The following LHFPL3 variants were observed in gnomAD, a reference collection of about 807,000 sequenced individuals.
LHFPL3 encodes the protein LHFPL tetraspan subfamily member 3.
A neutral mutation model predicts 19.3 loss-of-function variants in LHFPL3; 5 were observed. That is an observed-to-expected ratio of 0.26 (90% CI 0.14 to 0.54). LHFPL3 has a LOEUF of 0.54. Ranked by LOEUF, LHFPL3 falls within the 20% of genes least tolerant of loss-of-function variation. LHFPL3 has a pLI of 0.94. For missense variants in LHFPL3, 249 were observed against 307.4 expected (o/e 0.81, Z 1.42); for synonymous variants, 133 against 126.2 (o/e 1.05, Z -0.36).
chr7:104,829,765 A>G (rs1584560973), intron 2 of LHFPL3, among the ~76,000 whole-genome samples: 1 of 152,046 alleles, frequency 6.6e-6, no homozygotes, highest in East Asian at 1.9e-4. Flanking sequence ...AGTCTTTGCT[A>G]TTGTGAATAG....
chr7:104,389,453 A>G lies in LHFPL3; in HGVS notation c.445+60229A>G, dbSNP rs1791017124. ...ATGGCAATGCTTCCTTAAATAACCT[A>G]CAGACTCAATGCAACCCCTATCCAA... On this transcript the variant is annotated intron_variant, in intron 1 of 2. Coordinates refer to ENST00000424859, the MANE Select transcript of LHFPL3 (RefSeq NM_199000.3). 5.3e-5 allele frequency among the ~76,000 whole-genome samples: 8 copies of G among 152,298 alleles called. No homozygotes were observed. The South Asian group carries it at 1.5e-3, about 28-fold the overall frequency.
intron 1 of LHFPL3, among the ~76,000 whole-genome samples, chr7:104,680,501 G>A (rs534885309): frequency 9.7e-4 from 147 of 152,042 alleles, no homozygotes; most frequent in Admixed American, 1.5e-3. Flanking sequence ...AACTTTTACC[G>A]CCCAAAATAT....
intron 1 of LHFPL3, among the ~76,000 whole-genome samples, chr7:104,562,209 C>T (rs888409985): frequency 7.4e-4 from 112 of 151,838 alleles, no homozygotes; most frequent in Admixed American, 7.3e-3. Flanking sequence ...CTCTGTATTT[C>T]CTGAATCTGA....
At chr7:104,421,540 G>A (rs1486958685) in intron 1 of LHFPL3, among the ~76,000 whole-genome samples, 2 of 152,168 alleles carry the variant, frequency 1.3e-5, no homozygotes, top group Non-Finnish European at 2.9e-5. Context: ...TTTTCCTGCA[G>A]CATCTTGAAC....
chr7:104,656,146 A>ACATTC (rs138154734), intron 1 of LHFPL3, among the ~76,000 whole-genome samples: 6,654 of 152,258 alleles, frequency 0.044, 189 homozygotes, highest in East Asian at 0.12. Context: ...ATTCACTCCA[A>ACATTC]CATTCCTGAA....
rs147694676 is a variant in LHFPL3 at position 104,361,925 on chromosome 7, G to T, written c.445+32701G>T. On this transcript the variant is annotated intron_variant, in intron 1 of 2. Coordinates refer to ENST00000424859, the MANE Select transcript of LHFPL3 (RefSeq NM_199000.3). Reference sequence around the variant, plus strand: ...GCTGCAAGAATAACTGTGATTATTGGTCAGAAATCACTTTGGGATCCACCT... The same window carrying T: ...GCTGCAAGAATAACTGTGATTATTGTTCAGAAATCACTTTGGGATCCACCT... 4.5e-4 allele frequency among the ~76,000 whole-genome samples: 69 copies of T among 152,292 alleles called. 2 individuals carry two copies. The East Asian group carries it at 0.013, about 29-fold the overall frequency.
intron 1 of LHFPL3, among the ~76,000 whole-genome samples, chr7:104,451,310 G>A (rs551573775): frequency 1.3e-5 from 2 of 152,258 alleles, no homozygotes; most frequent in East Asian, 1.9e-4. Context: ...AGTAAGCTTG[G>A]CTGCCATGTT....
chr7:104,678,401 A>T (rs1333067363), intron 1 of LHFPL3, among the ~76,000 whole-genome samples: 1 of 152,194 alleles, frequency 6.6e-6, no homozygotes, highest in Non-Finnish European at 1.5e-5. Context: ...CATTAGCATT[A>T]CATATTTCAA....
chr7:104,878,898 TAG>T (rs1348085549), intron 2 of LHFPL3, among the ~76,000 whole-genome samples: 3 of 152,330 alleles, frequency 2.0e-5, no homozygotes, highest in African/African-American at 7.2e-5. Flanking sequence ...TTGATCTATC[TAG>T]ACAACTAAAA....
At chr7:104,610,969 G>A (rs13438589) in intron 1 of LHFPL3, among the ~76,000 whole-genome samples, 6,701 of 151,988 alleles carry the variant, frequency 0.044, 170 homozygotes, top group African/African-American at 0.063. Flanking sequence ...TTTTTCATTT[G>A]CACAGTAGCA....
chr7:104,470,624 A>T (rs929289897), intron 1 of LHFPL3, among the ~76,000 whole-genome samples: 3 of 152,158 alleles, frequency 2.0e-5, no homozygotes, highest in African/African-American at 7.2e-5. Context: ...ATCATTCCCT[A>T]TTGTACAGAT....
chr7:104,401,907 G>T (rs73403862), intron 1 of LHFPL3, among the ~76,000 whole-genome samples: 1 of 152,006 alleles, frequency 6.6e-6, no homozygotes, highest in South Asian at 2.1e-4. Context: ...ATTATTAATG[G>T]AACAATGGAA....
At chr7:104,397,051 G>C (rs1791205124) in intron 1 of LHFPL3, among the ~76,000 whole-genome samples, 1 of 152,196 alleles carries the variant, frequency 6.6e-6, no homozygotes, top group Non-Finnish European at 1.5e-5. Flanking sequence ...AACATCAAAT[G>C]AATATACCTG....
intron 1 of LHFPL3, among the ~76,000 whole-genome samples, chr7:104,385,667 T>TATTTATTCATTCATTC (rs5886309): frequency 1.3e-4 from 20 of 151,644 alleles, no homozygotes; most frequent in African/African-American, 2.9e-4. Flanking sequence ...CATGGCAATT[T>TATTTATTCATTCATTC]ATTCATTCAT....
At chr7:104,468,987 T>C (rs1792851240) in intron 1 of LHFPL3, among the ~76,000 whole-genome samples, 1 of 152,122 alleles carries the variant, frequency 6.6e-6, no homozygotes, top group South Asian at 2.1e-4. Context: ...CCTTTAACCA[T>C]TGAGGTGCTT....
intron 1 of LHFPL3, among the ~76,000 whole-genome samples, chr7:104,392,161 A>G (rs1791085804): frequency 6.6e-6 from 1 of 151,830 alleles, no homozygotes; most frequent in Non-Finnish European, 1.5e-5. Flanking sequence ...TCTTTTCCTG[A>G]TTGAATACCC....
intron 1 of LHFPL3, among the ~76,000 whole-genome samples, chr7:104,419,674 G>T (rs1193101664): frequency 2.0e-5 from 3 of 152,212 alleles, no homozygotes; most frequent in African/African-American, 7.2e-5. Context: ...TAGAACTTGA[G>T]AGAAGGATGA....
At chr7:104,808,073 G>A (rs1053948552) in intron 2 of LHFPL3, among the ~76,000 whole-genome samples, 9 of 152,146 alleles carry the variant, frequency 5.9e-5, no homozygotes, top group African/African-American at 2.2e-4. Context: ...CCGTGCCTGG[G>A]ATTTAAGTAA....
At position 104,774,238 on chromosome 7, in the gene LHFPL3, G is replaced by T. The variant is rs368235169; in HGVS notation, c.682+37327G>T. 3.3e-5 allele frequency among the ~76,000 whole-genome samples: 5 copies of T among 152,174 alleles called. No individual in the cohort carries two copies. In the East Asian group the frequency reaches 5.8e-4, roughly 18 times the overall value. ...TCTTTTCTCTTCCTTCTCTTACAGA[G>T]CCCTCATTAATGAAATTAAAATGAT... On this transcript the variant is annotated intron_variant, in intron 2 of 2. Coordinates refer to ENST00000424859, the MANE Select transcript of LHFPL3 (RefSeq NM_199000.3).
Sources: allele counts gnomAD v4.1 joint callset (sites outside exome capture counted in the v4.1 genomes callset), GRCh38; gene constraint gnomAD v4.1.1; transcripts MANE v1.5; gene names NCBI Gene and HGNC (gene_info 2026-07-23, HGNC 2026-07-21).